Variants in SH3GL2 observed in about 807,000 individuals in gnomAD.
SH3GL2 encodes SH3 domain containing GRB2 like 2, endophilin A1.
A neutral mutation model predicts 46.0 loss-of-function variants in SH3GL2; 24 were observed. The ratio of observed to expected loss-of-function variants is 0.52; its 90% CI spans 0.38 to 0.73. The LOEUF is 0.73. SH3GL2 is among the 30% of genes least tolerant of loss of function. SH3GL2 has a pLI of 0.00. For missense variants in SH3GL2, 413 were observed against 424.2 expected (o/e 0.97, Z 0.23); for synonymous variants, 196 against 147.1 (o/e 1.33, Z -2.40).
At chr9:17,730,999 A>G (rs1348006594) in intron 1 of SH3GL2, among the ~76,000 whole-genome samples, 1 of 152,152 alleles carries the variant, frequency 6.6e-6, no homozygotes, top group Non-Finnish European at 1.5e-5. Context: ...GAGGCATGCA[A>G]AACTTTCAGA....
At chr9:17,696,810 T>G (rs1468730373) in intron 1 of SH3GL2, among the ~76,000 whole-genome samples, 1 of 152,188 alleles carries the variant, frequency 6.6e-6, no homozygotes, top group African/African-American at 2.4e-5. Context: ...TATCCCTTCC[T>G]TTTTTCGATT....
At chr9:17,704,266 A>C (rs547838763) in intron 1 of SH3GL2, among the ~76,000 whole-genome samples, 15 of 152,228 alleles carry the variant, frequency 9.9e-5, no homozygotes, top group African/African-American at 3.6e-4. Context: ...TGAGAATTAC[A>C]AAACACTGCT....
At chr9:17,623,532 A>G (rs1490791692) in intron 1 of SH3GL2, among the ~76,000 whole-genome samples, 1 of 152,170 alleles carries the variant, frequency 6.6e-6, no homozygotes, top group Non-Finnish European at 1.5e-5. Flanking sequence ...TTAAGACTGG[A>G]CAATGTTTCA....
At chr9:17,666,138 C>T (rs957151082) in intron 1 of SH3GL2, among the ~76,000 whole-genome samples, 2 of 151,752 alleles carry the variant, frequency 1.3e-5, no homozygotes, top group Non-Finnish European at 2.9e-5. Flanking sequence ...GCTTATGGTT[C>T]TTTGTGTCTT....
chr9:17,589,420 C>T (rs377634560), intron 1 of SH3GL2: 1 of 152,014 alleles, frequency 6.6e-6, no homozygotes, highest in Non-Finnish European at 1.5e-5. Flanking sequence ...TCTGATGAGG[C>T]ACAAGTTTAT....
chr9:17,788,037 A>C (rs557295039), intron 5 of SH3GL2, among the ~76,000 whole-genome samples: 7 of 152,200 alleles, frequency 4.6e-5, no homozygotes, highest in Non-Finnish European at 1.0e-4. Context: ...TTTCTAAAAC[A>C]TGTAGAGCAG....
intron 1 of SH3GL2, among the ~76,000 whole-genome samples, chr9:17,696,264 C>A (rs929831668): frequency 1.3e-5 from 2 of 152,078 alleles, no homozygotes; most frequent in African/African-American, 2.4e-5. Context: ...ATAACTATTA[C>A]ATTTGTATTT....
At chr9:17,600,628 C>T (rs1372683271) in intron 1 of SH3GL2, among the ~76,000 whole-genome samples, 1 of 152,184 alleles carries the variant, frequency 6.6e-6, no homozygotes, top group African/African-American at 2.4e-5. Flanking sequence ...CTCTTAGTTA[C>T]TGGAGCTATG....
intron 1 of SH3GL2, among the ~76,000 whole-genome samples, chr9:17,593,863 A>G (rs140104933): frequency 2.0e-5 from 3 of 152,246 alleles, no homozygotes; most frequent in African/African-American, 7.2e-5. Context: ...GAGACTTCAC[A>G]TCTCCTAGTT....
intron 1 of SH3GL2, among the ~76,000 whole-genome samples, chr9:17,687,796 A>C (rs1282570513): frequency 6.6e-6 from 1 of 152,070 alleles, no homozygotes; most frequent in Non-Finnish European, 1.5e-5. Context: ...ATGGATGTGA[A>C]TCTCAAGGCA....
chr9:17,646,106 C>G (rs537731475), intron 1 of SH3GL2, among the ~76,000 whole-genome samples: 51 of 151,876 alleles, frequency 3.4e-4, no homozygotes, highest in Non-Finnish European at 6.8e-4. Context: ...TGTCTTCATG[C>G]TTTATTTTAT....
At chr9:17,778,446 CTCATGTA>C (rs1823707369) in intron 3 of SH3GL2, among the ~76,000 whole-genome samples, 1 of 152,056 alleles carries the variant, frequency 6.6e-6, no homozygotes, top group South Asian at 2.1e-4. Flanking sequence ...CCAGGAAGTT[CTCATGTA>C]TATGAGAACA....
chr9:17,588,751 A>G (rs1437332021), intron 1 of SH3GL2, among the ~76,000 whole-genome samples: 1 of 152,250 alleles, frequency 6.6e-6, no homozygotes, highest in African/African-American at 2.4e-5. Flanking sequence ...AAGCAGGCCC[A>G]GACTTCTAAT....
intron 1 of SH3GL2, among the ~76,000 whole-genome samples, chr9:17,584,080 G>T (rs1324638035): frequency 2.0e-5 from 3 of 152,084 alleles, no homozygotes; most frequent in Admixed American, 2.0e-4. Flanking sequence ...TAGGCTGCAA[G>T]GGGCCTATAT....
chr9:17,762,012 C>G (rs985420079), intron 3 of SH3GL2, among the ~76,000 whole-genome samples: 1 of 152,068 alleles, frequency 6.6e-6, no homozygotes, highest in African/African-American at 2.4e-5. Flanking sequence ...AGCATTGGTT[C>G]CTGCTAACTT....
At chr9:17,581,785 G>T (rs1053121217) in intron 1 of SH3GL2, among the ~76,000 whole-genome samples, 1 of 152,138 alleles carries the variant, frequency 6.6e-6, no homozygotes, top group African/African-American at 2.4e-5. Context: ...TGCAACCTCT[G>T]CCTCCTGTGT....
At position 17,626,775 on chromosome 9, in the gene SH3GL2, A is replaced by G. The variant is rs368335470; in HGVS notation, c.45+47488A>G. On this transcript the variant is annotated intron_variant, in intron 1 of 8. Coordinates refer to ENST00000380607, the MANE Select transcript of SH3GL2 (RefSeq NM_003026.5). ...GTCCCTCTCCAAAGTATGGCCTCCA[A>G]TATGTCTTCTTCACATTCCTTTGGA... 5.8e-4 allele frequency among the ~76,000 whole-genome samples: 89 copies of G among 152,304 alleles called. 1 individual carries two copies. Among genetic ancestry groups the G allele is most frequent in the South Asian group, 2.7e-3 (13 of 4,820 alleles).
At chr9:17,738,641 T>TATATATATATAGAG (rs376280314) in intron 1 of SH3GL2, among the ~76,000 whole-genome samples, 1,216 of 88,754 alleles carry the variant, frequency 0.014, 43 homozygotes, top group East Asian at 0.064. Context: ...TATATATATA[T>TATATATATATAGAG]AGAGAGAGAG....
chr9:17,733,292 A>G (rs953511518), intron 1 of SH3GL2, among the ~76,000 whole-genome samples: 19 of 151,486 alleles, frequency 1.3e-4, no homozygotes, highest in African/African-American at 3.2e-4. Context: ...TTTTATTATT[A>G]TACTTTAAGT....
Sources: allele counts gnomAD v4.1 joint callset (sites outside exome capture counted in the v4.1 genomes callset), GRCh38; gene constraint gnomAD v4.1.1; transcripts MANE v1.5; gene names NCBI Gene and HGNC (gene_info 2026-07-23, HGNC 2026-07-21).